Variants in AUTS2 observed in about 807,000 individuals in gnomAD.
The protein encoded by AUTS2 is autism susceptibility gene 2 protein.
AUTS2 carries 17 observed loss-of-function variants against 112.4 expected under a neutral mutation model. The observed-to-expected ratio is 0.15, with a 90% CI of 0.10 to 0.23. The LOEUF is 0.23. Ranked by LOEUF, AUTS2 falls within the 10% of genes least tolerant of loss-of-function variation. The pLI, the probability that AUTS2 is intolerant of heterozygous loss-of-function variation, is 1.00. For synonymous variants in AUTS2, 751 were observed against 702.7 expected, an observed-to-expected ratio of 1.07 and a Z score of -1.09; for missense variants, 1,510 against 1,701.6, an observed-to-expected ratio of 0.89 and a Z score of 1.98.
In AUTS2 at chr7:70,231,297, G is replaced by A. The variant is rs112639620; in HGVS notation, c.660+96726G>A. ...ATTTCTTACATGTGAAAACACACTC[G>A]TAATCACCACCCAGATTAAGATACA... On this transcript the variant is annotated intron_variant, in intron 4 of 18. Coordinates refer to ENST00000342771, the MANE Select transcript of AUTS2 (RefSeq NM_015570.4). Among the ~76,000 whole-genome samples, 251 of 152,246 alleles carry A rather than the reference G, an allele frequency of 1.6e-3. 6 individuals are homozygous for A. Among genetic ancestry groups the A allele is most frequent in the African/African-American group, 5.6e-3 (232 of 41,528 alleles).
chr7:70,334,873 G>A (rs550941056), intron 4 of AUTS2, among the ~76,000 whole-genome samples: 1 of 152,228 alleles, frequency 6.6e-6, no homozygotes, highest in East Asian at 1.9e-4. Flanking sequence ...GTTATGTATG[G>A]AGATAGACCT....
At chr7:69,602,316 T>C (rs1182578396) in intron 1 of AUTS2, among the ~76,000 whole-genome samples, 1 of 152,166 alleles carries the variant, frequency 6.6e-6, no homozygotes, top group African/African-American at 2.4e-5. Flanking sequence ...CTGCTACTTT[T>C]CTAGATTAAA....
chr7:69,696,179 C>T (rs751607041), intron 1 of AUTS2, among the ~76,000 whole-genome samples: 3 of 152,170 alleles, frequency 2.0e-5, no homozygotes, highest in Admixed American at 6.5e-5. Context: ...TAGAAGCCTG[C>T]GGTTAGCCTC....
intron 5 of AUTS2, among the ~76,000 whole-genome samples, chr7:70,622,277 C>T (rs1240873391): frequency 6.6e-6 from 1 of 152,258 alleles, no homozygotes; most frequent in East Asian, 1.9e-4. Context: ...GCATCTTTGA[C>T]TTATATTCTC....
chr7:69,778,950 T>A (rs1282571000), intron 1 of AUTS2, among the ~76,000 whole-genome samples: 3 of 151,702 alleles, frequency 2.0e-5, no homozygotes, highest in Non-Finnish European at 4.4e-5. Flanking sequence ...GGCTGAACTT[T>A]GAAAAATGAC....
At chr7:69,857,340 C>T (rs1241292360) in intron 1 of AUTS2, among the ~76,000 whole-genome samples, 1 of 152,118 alleles carries the variant, frequency 6.6e-6, no homozygotes, top group Non-Finnish European at 1.5e-5. Flanking sequence ...TTGACAGTGT[C>T]GTACAATGAG....
intron 1 of AUTS2, among the ~76,000 whole-genome samples, chr7:69,856,007 CG>C (rs1792705668): frequency 6.6e-6 from 1 of 152,146 alleles, no homozygotes; most frequent in African/African-American, 2.4e-5. Flanking sequence ...GTGGCTTCCC[CG>C]CAGTGATTCT....
chr7:69,776,276 A>C (rs906654917), intron 1 of AUTS2, among the ~76,000 whole-genome samples: 2 of 152,134 alleles, frequency 1.3e-5, no homozygotes, highest in African/African-American at 4.8e-5. Context: ...TCTACATCCT[A>C]TATGGACTGT....
At chr7:70,258,389 G>C (rs1786992755) in intron 4 of AUTS2, among the ~76,000 whole-genome samples, 1 of 152,228 alleles carries the variant, frequency 6.6e-6, no homozygotes, top group African/African-American at 2.4e-5. Context: ...AATTCAGTCT[G>C]TTTTCTGTGA....
At chr7:69,989,009 G>A (rs1356377907) in intron 2 of AUTS2, among the ~76,000 whole-genome samples, 5 of 152,184 alleles carry the variant, frequency 3.3e-5, no homozygotes, top group African/African-American at 4.8e-5. Flanking sequence ...CAAACTTTGA[G>A]CGTATCATGA....
At chr7:70,401,344 T>C (rs1402756485) in intron 4 of AUTS2, among the ~76,000 whole-genome samples, 1 of 152,096 alleles carries the variant, frequency 6.6e-6, no homozygotes, top group Non-Finnish European at 1.5e-5. Context: ...CATGTGTAGT[T>C]TGAGGGGGAA....
chr7:70,485,926 A>G (rs1408316230), intron 5 of AUTS2, among the ~76,000 whole-genome samples: 1 of 152,170 alleles, frequency 6.6e-6, no homozygotes, highest in Non-Finnish European at 1.5e-5. Context: ...TCGACTCTAC[A>G]TTGAAAAATT....
intron 4 of AUTS2, among the ~76,000 whole-genome samples, chr7:70,352,997 A>C: frequency 6.6e-6 from 1 of 152,212 alleles, no homozygotes; most frequent in East Asian, 1.9e-4. Context: ...TCATCTGTTT[A>C]ATAGTGGAAT....
chr7:70,056,950 T>A (rs1280432735), intron 2 of AUTS2, among the ~76,000 whole-genome samples: 1 of 152,204 alleles, frequency 6.6e-6, no homozygotes, highest in Non-Finnish European at 1.5e-5. Context: ...TTATAATGAT[T>A]CTTGCTGATA....
At chr7:70,277,617 G>A (rs1787989588) in intron 4 of AUTS2, among the ~76,000 whole-genome samples, 1 of 152,114 alleles carries the variant, frequency 6.6e-6, no homozygotes, top group African/African-American at 2.4e-5. Flanking sequence ...TATTACGGGG[G>A]GAGATTTTAT....
In AUTS2 at chr7:69,800,820, G is replaced by A. The variant is rs556362168; in HGVS notation, c.310-98466G>A. ...CCCAGCCCCTCCCTGCACTGTTCCT[G>A]AAGAGGGCTGTGTTTTTCTTTCCAA... is the stretch of plus-strand genomic sequence containing the variant. On this transcript the variant is annotated intron_variant, in intron 1 of 18. Transcript: ENST00000342771. Among the ~76,000 whole-genome samples the A allele has an allele frequency of 9.2e-5, 14 of 152,214 alleles. No individual in the cohort carries two copies. The South Asian group carries it at 2.5e-3, about 27-fold the overall frequency.
At chr7:70,401,307 C>T (rs1794316603) in intron 4 of AUTS2, among the ~76,000 whole-genome samples, 1 of 152,160 alleles carries the variant, frequency 6.6e-6, no homozygotes, top group Non-Finnish European at 1.5e-5. Context: ...CAGGATGGGG[C>T]ATATCAGCTC....
rs36056063 is a variant in AUTS2 at position 70,681,510 on chromosome 7, CATAT to C, written c.691-17046_691-17043del. 4.5e-3 allele frequency among the ~76,000 whole-genome samples: 611 copies of C among 136,318 alleles called. 1 individual carries two copies. The highest frequency in any genetic ancestry group is 0.013 in the African/African-American group (500 of 38,074). The allele number at this position is 136,318 out of a possible 152,430, so 89.4% of individuals were successfully genotyped here. A position where few individuals can be genotyped will look rare whatever the true frequency, so the allele number is the denominator to read the frequency against. Reference sequence around the variant, plus strand: ...GCACTCCTCAGAGGGCATCAGTGTACATATATATATATATATTTTTTTTTTCTTC... The same window carrying C: ...GCACTCCTCAGAGGGCATCAGTGTACATATATATATATTTTTTTTTTCTTC... On this transcript the variant is annotated intron_variant, in intron 5 of 18. Coordinates refer to ENST00000342771, the MANE Select transcript of AUTS2 (RefSeq NM_015570.4).
intron 4 of AUTS2, among the ~76,000 whole-genome samples, chr7:70,348,921 T>C (rs1004212589): frequency 1.3e-5 from 2 of 152,230 alleles, no homozygotes; most frequent in African/African-American, 4.8e-5. Flanking sequence ...TGCTCTATAG[T>C]TGTCATGGAG....
Sources: gnomAD v4.1 joint callset for allele counts (sites outside exome capture counted in the v4.1 genomes callset) on GRCh38, gnomAD v4.1.1 for gene constraint, MANE v1.5 for transcripts, NCBI Gene and HGNC (gene_info 2026-07-23, HGNC 2026-07-21) for gene names.